The following SKA3 variants were observed in gnomAD, a reference collection of about 807,000 sequenced individuals.
SKA3 encodes the protein spindle and kinetochore associated complex subunit 3, also known as spindle and kinetochore-associated protein 3.
SKA3 carries 39 observed loss-of-function variants against 44.2 expected under a neutral mutation model. The ratio of observed to expected loss-of-function variants is 0.88; its 90% CI spans 0.68 to 1.15. SKA3 has a LOEUF of 1.15. Ranked by LOEUF, SKA3 falls within the 50% of genes most tolerant of loss-of-function variation. SKA3 has a pLI of 0.00. For missense variants in SKA3, 511 were observed against 485.8 expected (o/e 1.05, Z -0.49); for synonymous variants, 192 against 172.0 (o/e 1.12, Z -0.91).
chr13:21,167,179 A>G (rs1180511144), intron 4 of SKA3, among the ~76,000 whole-genome samples: 1 of 152,146 alleles, frequency 6.6e-6, no homozygotes, highest in African/African-American at 2.4e-5. Context: ...CTATCCCCCC[A>G]TACTCCAGGT....
chr13:21,155,198 CA>C, intron 8 of SKA3, 48 bp from the exon 9 acceptor site: 1 of 1,363,236 alleles, frequency 7.3e-7, no homozygotes, highest in Non-Finnish European at 9.7e-7. Flanking sequence ...AATTAAAAGC[CA>C]TTAAGACAAA....
In SKA3 at chr13:21,159,924, G is replaced by A. The variant is rs779235052; in HGVS notation, c.893C>T (p.Ser298Phe). ...TACCAAAGCTATGCTGTTCTTTGTA[G>A]ATGGAATTTTCAAACCAGGAGTACA... Reference protein sequence around the residue: ...TFCTPGLKIPSTKNSIALVST... With the variant: ...TFCTPGLKIPFTKNSIALVST... Residue 298 changes from serine to phenylalanine, a missense_variant, in exon 6 of 9, where the codon TCT (serine) becomes TTT (phenylalanine). Physicochemically the swap from Ser to Phe is radical, Grantham distance 155 (BLOSUM62 -2). Transcript: ENST00000314759. 1 of 1,608,492 alleles carries A rather than the reference G, an allele frequency of 6.2e-7. No individual in the cohort carries two copies. Among genetic ancestry groups the A allele is most frequent in the Non-Finnish European group, 8.5e-7 (1 of 1,177,956 alleles).
chr13:21,167,096 T>C (rs1870752676), intron 4 of SKA3, among the ~76,000 whole-genome samples: 1 of 152,220 alleles, frequency 6.6e-6, no homozygotes, highest in South Asian at 2.1e-4. Flanking sequence ...TTCACTGAGC[T>C]TTAAACTGAT....
In SKA3 at chr13:21,176,361, C is replaced by T. The variant is rs1336781865; in HGVS notation, c.103+14G>A. 3 of 1,190,302 alleles carry T rather than the reference C, an allele frequency of 2.5e-6. No individual in the cohort carries two copies. The highest frequency in any genetic ancestry group is 4.2e-5 in the East Asian group (1 of 23,896). The allele number at this position is 1,190,302 out of a possible 1,614,324, so 73.7% of individuals were successfully genotyped here. ...CACCCCACGCACCGTGCCCTGGCCG[C>T]CCGCCTCACGCACCGCTTTCCTCTC... On this transcript the variant is annotated intron_variant, in intron 1 of 8. Coordinates refer to ENST00000314759, the MANE Select transcript of SKA3 (RefSeq NM_145061.6).
chr13:21,155,836 T>G, intron 7 of SKA3, 25 bp from the exon 8 acceptor site: 1 of 925,332 alleles, frequency 1.1e-6, no homozygotes, highest in South Asian at 2.0e-5. Flanking sequence ...GGAAATTCCT[T>G]TTTATCGAGC....
Position 21,168,535 on chromosome 13 carries a change from A to C in SKA3, c.332-136T>G, listed in dbSNP as rs1328017981. 4 of 816,604 alleles carry C rather than the reference A, an allele frequency of 4.9e-6. No homozygotes were observed. In the African/African-American group the frequency reaches 6.9e-5, roughly 14 times the overall value. The allele number at this position is 816,604 out of a possible 1,614,324, so 50.6% of individuals were successfully genotyped here. On this transcript the variant is annotated intron_variant, in intron 3 of 8. Coordinates refer to ENST00000314759, the MANE Select transcript of SKA3 (RefSeq NM_145061.6). ...AATTGTCTAAACATTTTATTTATTT[A>C]GTATTTATTGAGACAGGGTCTCGCT...
chr13:21,170,322 G>C (rs1341012897), intron 3 of SKA3, among the ~76,000 whole-genome samples: 1 of 151,850 alleles, frequency 6.6e-6, no homozygotes, highest in Non-Finnish European at 1.5e-5. Context: ...TGGGATTACA[G>C]GCACACGCCA....
At chr13:21,176,326 GC>G (rs2137391146) in intron 1 of SKA3, 48 bp downstream of exon 1, 1 of 1,313,498 alleles carries the variant, frequency 7.6e-7, no homozygotes. Context: ...ACGCCCCTCC[GC>G]CCGCGGCGCA....
intron 1 of SKA3, among the ~76,000 whole-genome samples, chr13:21,174,424 C>T (rs1871300940): frequency 6.6e-6 from 1 of 152,104 alleles, no homozygotes; most frequent in Admixed American, 6.6e-5. Flanking sequence ...AGTTCATGTC[C>T]TATGTAGGGA....
In SKA3 at chr13:21,153,881, A is replaced by G. The variant is rs1243755931; in HGVS notation, c.*1269T>C. 1 of 152,262 alleles carries G rather than the reference A, an allele frequency of 6.6e-6. No homozygotes were observed. Among genetic ancestry groups the G allele is most frequent in the Non-Finnish European group, 1.5e-5 (1 of 68,048 alleles). 9.4% of individuals were successfully genotyped at this position (152,262 alleles called of 1,614,324 possible). A position where few individuals can be genotyped will look rare whatever the true frequency, so the allele number is the denominator to read the frequency against. ...GTCAATGGCATACATAAGGCTGACT[A>G]CAGCTTTACTTTGAAAAACAAAACT... is the stretch of plus-strand genomic sequence containing the variant. On this transcript the variant is annotated 3_prime_UTR_variant, in exon 9 of 9. Coordinates refer to ENST00000314759, the MANE Select transcript of SKA3 (RefSeq NM_145061.6).
At chr13:21,155,293 C>T (rs949458713) in intron 8 of SKA3, 143 bp from the exon 9 acceptor site, 4 of 640,002 alleles carry the variant, frequency 6.2e-6, no homozygotes, top group African/African-American at 1.9e-5. Context: ...CTGGATAATT[C>T]GGGAATCTGA....
At chr13:21,160,551 T>C (rs1870382074) in intron 5 of SKA3, among the ~76,000 whole-genome samples, 1 of 151,882 alleles carries the variant, frequency 6.6e-6, no homozygotes, top group African/African-American at 2.4e-5. Context: ...AAAAACAATC[T>C]GACTGGCAAA....
rs2137374268 is a variant in SKA3, at chr13:21,167,986, A to C, written c.743+2T>G. ...AATATGCCTTTTAACAGAGCTGCTT[A>C]CCTTTTATTATTCCTCGCATTTTTA... On this transcript the variant is annotated splice_donor_variant, in intron 4 of 8. Coordinates refer to ENST00000314759, the MANE Select transcript of SKA3 (RefSeq NM_145061.6). LOFTEE classifies it high-confidence loss of function. 2 of 1,153,896 alleles carry C rather than the reference A, an allele frequency of 1.7e-6. No homozygotes were observed. The highest frequency in any genetic ancestry group is 2.3e-6 in the Non-Finnish European group (2 of 876,578). The allele number at this position is 1,153,896 out of a possible 1,614,324, so 71.5% of individuals were successfully genotyped here.
chr13:21,170,650 C>T (rs566716677), intron 3 of SKA3, among the ~76,000 whole-genome samples: 11 of 152,252 alleles, frequency 7.2e-5, no homozygotes, highest in African/African-American at 2.6e-4. Context: ...GTTCTTGCTA[C>T]AAGAGTTCCA....
At chr13:21,164,152 G>C (rs1044972506) in intron 4 of SKA3, among the ~76,000 whole-genome samples, 9 of 152,164 alleles carry the variant, frequency 5.9e-5, no homozygotes, top group Non-Finnish European at 8.8e-5. Flanking sequence ...TTTAAAACCT[G>C]TTATGTATCT....
chr13:21,154,934 G>C lies in SKA3; in HGVS notation c.*216C>G, dbSNP rs1595294551. The C allele has an allele frequency of 1.2e-5, 9 of 733,106 alleles. No homozygotes were observed. In the East Asian group the frequency reaches 1.6e-4, roughly 13 times the overall value. The allele number at this position is 733,106 out of a possible 1,614,324, so 45.4% of individuals were successfully genotyped here. On this transcript the variant is annotated 3_prime_UTR_variant, in exon 9 of 9. Transcript: ENST00000314759. ...CAATGAAACACTAATAATCCTTAAA[G>C]AGTGAATGACTGGGCTACATGTCAA...
intron 1 of SKA3, among the ~76,000 whole-genome samples, chr13:21,174,722 AAAGTAT>A (rs966754253): frequency 1.3e-5 from 2 of 151,690 alleles, no homozygotes; most frequent in African/African-American, 4.8e-5. Flanking sequence ...CTAGAACTTA[AAAGTAT>A]AATAATTTTA....
At chr13:21,159,715 G>T (rs913915972) in intron 6 of SKA3, among the ~76,000 whole-genome samples, 187 bp downstream of exon 6, 1 of 152,078 alleles carries the variant, frequency 6.6e-6, no homozygotes, top group Non-Finnish European at 1.5e-5. Context: ...TGGTTTAAAG[G>T]TATGAAAAAT....
rs1215684820 is a variant in SKA3 at position 21,153,992 on chromosome 13, C to T, written c.*1158G>A. On this transcript the variant is annotated 3_prime_UTR_variant, in exon 9 of 9. Coordinates refer to ENST00000314759, the MANE Select transcript of SKA3 (RefSeq NM_145061.6). ...GTAACTCCTAGAACAAGGACAAACTCAAGTTTTGTTTTGGTGACAGTTTTC... is the reference window on the plus strand; with the variant it reads ...GTAACTCCTAGAACAAGGACAAACTTAAGTTTTGTTTTGGTGACAGTTTTC... 6.6e-6 allele frequency: 1 copy of T among 152,180 alleles called. No individual in the cohort carries two copies. The highest frequency in any genetic ancestry group is 1.5e-5 in the Non-Finnish European group (1 of 68,028). The allele number at this position is 152,180 out of a possible 1,614,324, so 9.4% of individuals were successfully genotyped here.
Sources: gnomAD v4.1 joint callset for allele counts (sites outside exome capture counted in the v4.1 genomes callset) on GRCh38, gnomAD v4.1.1 for gene constraint, MANE v1.5 for transcripts, NCBI Gene and HGNC (gene_info 2026-07-23, HGNC 2026-07-21) for gene names.